The following RAB38 variants were observed in gnomAD, a reference collection of about 807,000 sequenced individuals.
RAB38 encodes the protein ras-related protein Rab-38.
Under a neutral mutation model 18.4 loss-of-function variants are expected in RAB38, and 15 were observed. That is an observed-to-expected ratio of 0.82 (90% CI 0.55 to 1.26). RAB38 has a LOEUF of 1.26. RAB38 is among the 50% of genes most tolerant of loss of function. The probability of loss-of-function intolerance (pLI) is 0.00; values close to 1 mark genes in which losing one functional copy is unlikely to be tolerated. For missense variants in RAB38, 294 were observed against 267.4 expected (o/e 1.10, Z -0.69); for synonymous variants, 101 against 104.4 (o/e 0.97, Z 0.20).
chr11:88,019,629 C>T, the RAB38 span, among the ~76,000 whole-genome samples: 1 of 152,158 alleles, frequency 6.6e-6, no homozygotes, highest in African/African-American at 2.4e-5. Context: ...CCCCTATGTA[C>T]TTCTCTGAAC....
the RAB38 span, among the ~76,000 whole-genome samples, chr11:87,939,103 A>G: frequency 3.3e-5 from 5 of 152,042 alleles, no homozygotes; most frequent in East Asian, 9.6e-4. Context: ...CTCAGTTCCC[A>G]ATCAAACCTA....
At chr11:88,109,939 C>A (rs554372140), downstream of RAB38, among the ~76,000 whole-genome samples, 1 of 152,290 alleles carries the variant, frequency 6.6e-6, no homozygotes, top group Non-Finnish European at 1.5e-5. Context: ...ATTAGTTCAA[C>A]CATTGTGGAC....
chr11:88,027,791 G>C, the RAB38 span, among the ~76,000 whole-genome samples: 1 of 152,212 alleles, frequency 6.6e-6, no homozygotes, highest in African/African-American at 2.4e-5. Flanking sequence ...CTCCACCTCT[G>C]GGGGCAGGGA....
intron 1 of RAB38, among the ~76,000 whole-genome samples, chr11:88,163,920 T>A (rs1004478096): frequency 2.0e-5 from 3 of 152,002 alleles, no homozygotes; most frequent in Non-Finnish European, 2.9e-5. Flanking sequence ...AAAAAGATCA[T>A]CTAGCAATGT....
chr11:88,039,216 T>G, the RAB38 span, among the ~76,000 whole-genome samples: 7 of 152,214 alleles, frequency 4.6e-5, no homozygotes, highest in Non-Finnish European at 7.3e-5. Flanking sequence ...ATTTTTATTT[T>G]TAAAAGATAA....
At chr11:88,037,259 G>A in the RAB38 span, among the ~76,000 whole-genome samples, 4 of 151,884 alleles carry the variant, frequency 2.6e-5, no homozygotes, top group African/African-American at 9.7e-5. Flanking sequence ...AATCTCATAA[G>A]TTTGTTCATT....
the RAB38 span, among the ~76,000 whole-genome samples, chr11:88,058,193 A>G: frequency 6.6e-6 from 1 of 152,156 alleles, no homozygotes; most frequent in Non-Finnish European, 1.5e-5. Flanking sequence ...AATTAACAAT[A>G]CCTCCAAGAG....
At chr11:88,057,578 T>C in the RAB38 span, among the ~76,000 whole-genome samples, 1 of 152,234 alleles carries the variant, frequency 6.6e-6, no homozygotes, top group African/African-American at 2.4e-5. Flanking sequence ...TGTTTCCTTA[T>C]GCTGCAAGGT....
At chr11:87,926,835 G>A in the RAB38 span, among the ~76,000 whole-genome samples, 4 of 151,992 alleles carry the variant, frequency 2.6e-5, no homozygotes, top group African/African-American at 7.2e-5. Flanking sequence ...CTTCCACCAG[G>A]CTTCCTTTGC....
At chr11:87,889,401 G>A in the RAB38 span, among the ~76,000 whole-genome samples, 1 of 151,888 alleles carries the variant, frequency 6.6e-6, no homozygotes, top group African/African-American at 2.4e-5. Flanking sequence ...TCAAGAATCT[G>A]CTCAAGATCA....
chr11:88,008,285 T>A, the RAB38 span, among the ~76,000 whole-genome samples: 1 of 152,126 alleles, frequency 6.6e-6, no homozygotes, highest in East Asian at 1.9e-4. Flanking sequence ...AAATTAAATA[T>A]ATTATAGCTA....
the RAB38 span, among the ~76,000 whole-genome samples, chr11:87,907,882 A>G: frequency 3.3e-5 from 5 of 151,776 alleles, no homozygotes; most frequent in African/African-American, 1.2e-4. Flanking sequence ...TAAATTTGCT[A>G]TACTTATTTT....
At chr11:88,026,972 T>C in the RAB38 span, among the ~76,000 whole-genome samples, 9 of 152,240 alleles carry the variant, frequency 5.9e-5, no homozygotes, top group Non-Finnish European at 1.2e-4. Flanking sequence ...AATGTTTATA[T>C]ATAAAAATAC....
At chr11:88,036,203 C>T in the RAB38 span, among the ~76,000 whole-genome samples, 1 of 152,064 alleles carries the variant, frequency 6.6e-6, no homozygotes, top group Non-Finnish European at 1.5e-5. Context: ...CTCCTTTACT[C>T]TCTGCCACAA....
chr11:87,928,087 A>G, the RAB38 span, among the ~76,000 whole-genome samples: 1 of 151,424 alleles, frequency 6.6e-6, no homozygotes, highest in African/African-American at 2.4e-5. Flanking sequence ...AAAATAAGAA[A>G]ACAGAAAAGA....
intron 2 of RAB38, among the ~76,000 whole-genome samples, chr11:88,134,079 T>C (rs1268474684): frequency 1.3e-5 from 2 of 152,174 alleles, no homozygotes; most frequent in Admixed American, 1.3e-4. Context: ...CCTGGACTTT[T>C]CTCCTGAACT....
At chr11:87,963,803 CG>C in the RAB38 span, among the ~76,000 whole-genome samples, 1 of 151,878 alleles carries the variant, frequency 6.6e-6, no homozygotes, top group Non-Finnish European at 1.5e-5. Flanking sequence ...CCTGTCACCA[CG>C]CCTGGCTAAT....
chr11:88,158,978 T>C (rs140591359), intron 1 of RAB38, among the ~76,000 whole-genome samples: 2 of 152,036 alleles, frequency 1.3e-5, no homozygotes, highest in East Asian at 1.9e-4. Flanking sequence ...AGTCAAACTA[T>C]CTCTCTTTAT....
chr11:87,813,035 G>A, the RAB38 span, among the ~76,000 whole-genome samples: 278 of 152,240 alleles, frequency 1.8e-3, 1 homozygote, highest in African/African-American at 5.2e-3. Flanking sequence ...TGATTCTTAT[G>A]ACCCACAGCC....
Sources: gnomAD v4.1 joint callset for allele counts (sites outside exome capture counted in the v4.1 genomes callset) on GRCh38, gnomAD v4.1.1 for gene constraint, MANE v1.5 for transcripts, NCBI Gene and HGNC (gene_info 2026-07-23, HGNC 2026-07-21) for gene names.